The following PTPRG variants were observed in gnomAD, a reference collection of about 807,000 sequenced individuals.
PTPRG encodes the protein receptor-type tyrosine-protein phosphatase gamma.
A neutral mutation model predicts 165.3 loss-of-function variants in PTPRG; 102 were observed. The ratio of observed to expected loss-of-function variants is 0.62; its 90% CI spans 0.53 to 0.73. The LOEUF is 0.73. PTPRG is among the 30% of genes least tolerant of loss of function. PTPRG has a pLI of 0.00. For synonymous variants in PTPRG, 675 were observed against 669.5 expected, an observed-to-expected ratio of 1.01 and a Z score of -0.13; for missense variants, 1,866 against 1,861.4, an observed-to-expected ratio of 1.00 and a Z score of -0.05.
At chr3:61,842,516 T>C (rs1478424139) in intron 2 of PTPRG, among the ~76,000 whole-genome samples, 1 of 152,080 alleles carries the variant, frequency 6.6e-6, no homozygotes, top group African/African-American at 2.4e-5. Flanking sequence ...AGAAAAGATA[T>C]TGAAGGCCCA....
intron 1 of PTPRG, among the ~76,000 whole-genome samples, chr3:61,694,881 CCTCA>C (rs1262328327): frequency 6.6e-6 from 1 of 152,102 alleles, no homozygotes; most frequent in Admixed American, 6.5e-5. Flanking sequence ...TCACTCTCAC[CCTCA>C]CTCTCTCTCA....
intron 1 of PTPRG, among the ~76,000 whole-genome samples, chr3:61,645,168 A>G (rs1702165997): frequency 6.6e-6 from 1 of 152,238 alleles, no homozygotes; most frequent in Non-Finnish European, 1.5e-5. Flanking sequence ...GTTACCAAAT[A>G]TTGACAATGA....
intron 4 of PTPRG, among the ~76,000 whole-genome samples, chr3:62,004,465 C>G (rs567426716): frequency 2.5e-4 from 38 of 152,348 alleles, no homozygotes; most frequent in African/African-American, 8.7e-4. Context: ...CTGAAGTTCA[C>G]CAGACCATTG....
chr3:62,099,382 T>C (rs1441267238), intron 5 of PTPRG, among the ~76,000 whole-genome samples: 1 of 152,168 alleles, frequency 6.6e-6, no homozygotes, highest in Non-Finnish European at 1.5e-5. Flanking sequence ...TCTAAGAAAA[T>C]AGTTCAAATA....
chr3:61,601,542 AAAAC>A (rs1259747182), intron 1 of PTPRG, among the ~76,000 whole-genome samples: 1 of 152,234 alleles, frequency 6.6e-6, no homozygotes, highest in Non-Finnish European at 1.5e-5. Context: ...TTATTCAACA[AAAAC>A]AAAAACGATG....
chr3:61,862,553 C>T (rs553988971), intron 2 of PTPRG, among the ~76,000 whole-genome samples: 10 of 151,892 alleles, frequency 6.6e-5, no homozygotes, highest in South Asian at 2.1e-4. Context: ...ACGCCCAGCA[C>T]GCCCACTAAT....
At chr3:61,871,373 C>T (rs1418675628) in intron 2 of PTPRG, among the ~76,000 whole-genome samples, 1 of 151,984 alleles carries the variant, frequency 6.6e-6, no homozygotes, top group Non-Finnish European at 1.5e-5. Flanking sequence ...GACCAAGGCA[C>T]ATGTCACCAC....
intron 1 of PTPRG, among the ~76,000 whole-genome samples, chr3:61,726,897 A>C (rs992573284): frequency 2.9e-4 from 44 of 152,264 alleles, no homozygotes; most frequent in African/African-American, 1.1e-3. Flanking sequence ...AATACAAAAA[A>C]TTAGCCAGCC....
chr3:62,159,847 G>A (rs949342148), intron 7 of PTPRG, among the ~76,000 whole-genome samples: 1 of 152,174 alleles, frequency 6.6e-6, no homozygotes, highest in Non-Finnish European at 1.5e-5. Flanking sequence ...ATATTCATGT[G>A]GCCAAACTGG....
At chr3:61,951,243 C>T (rs1300456501) in intron 2 of PTPRG, among the ~76,000 whole-genome samples, 1 of 152,208 alleles carries the variant, frequency 6.6e-6, no homozygotes, top group Admixed American at 6.5e-5. Flanking sequence ...GCAATCACTT[C>T]TATTCCAGCC....
intron 4 of PTPRG, among the ~76,000 whole-genome samples, chr3:62,018,464 G>C (rs2041604610): frequency 6.6e-6 from 1 of 152,128 alleles, no homozygotes; most frequent in African/African-American, 2.4e-5. Flanking sequence ...AATAATAGAT[G>C]ATTTGTAGGC....
intron 5 of PTPRG, chr3:62,118,455 TA>T (rs1323681009): frequency 6.6e-6 from 1 of 152,200 alleles, no homozygotes; most frequent in East Asian, 1.9e-4. Flanking sequence ...ACCTTGTGTT[TA>T]ACCAGTTAAG....
chr3:62,203,379 TTTC>T lies in PTPRG; in HGVS notation c.1585_1587del (p.Phe529del). 2.5e-6 allele frequency: 4 copies of T among 1,613,212 alleles called. No homozygotes were observed. Among genetic ancestry groups the T allele is most frequent in the Non-Finnish European group, 3.4e-6 (4 of 1,179,672 alleles). ...GGTTCGGCGGTGGTGGCATCTCCTC[TTTC>T]CCCAGCACTGTGTGGCCCACGCGCC... On this transcript the variant is annotated inframe_deletion, in exon 12 of 30. Coordinates refer to ENST00000474889, the MANE Select transcript of PTPRG (RefSeq NM_002841.4). This position sits in a 1 kb window ranked among gnomAD's most constrained non-coding sequence, Gnocchi z 6.4.
chr3:61,848,388 G>A (rs1158748758), intron 2 of PTPRG, among the ~76,000 whole-genome samples: 1 of 152,192 alleles, frequency 6.6e-6, no homozygotes, highest in East Asian at 1.9e-4. Flanking sequence ...CCTCTGAGCA[G>A]CCCATTTTGG....
chr3:62,201,687 T>G, intron 11 of PTPRG, 133 bp downstream of exon 11: 1 of 647,674 alleles, frequency 1.5e-6, no homozygotes. Flanking sequence ...GAGAAAAAAT[T>G]ACATTATTCA....
chr3:61,812,626 G>C (rs189582795), intron 2 of PTPRG, among the ~76,000 whole-genome samples: 1 of 152,140 alleles, frequency 6.6e-6, no homozygotes, highest in South Asian at 2.1e-4. Flanking sequence ...ATAACTCCTC[G>C]TTAGCTGCTT....
At chr3:62,010,330 A>G (rs2041391644) in intron 4 of PTPRG, among the ~76,000 whole-genome samples, 1 of 151,592 alleles carries the variant, frequency 6.6e-6, no homozygotes, top group Non-Finnish European at 1.5e-5. Flanking sequence ...TGTTTAACAC[A>G]ATGTTTTCCC....
intron 2 of PTPRG, among the ~76,000 whole-genome samples, chr3:61,961,349 G>GT (rs1291430442): frequency 3.3e-5 from 5 of 152,182 alleles, no homozygotes; most frequent in South Asian, 2.1e-4. Flanking sequence ...TGTGTATGCA[G>GT]TTTTTTCTCA....
intron 1 of PTPRG, among the ~76,000 whole-genome samples, chr3:61,635,559 T>A (rs1475473895): frequency 1.3e-5 from 2 of 151,966 alleles, no homozygotes; most frequent in East Asian, 3.9e-4. Flanking sequence ...GGTTTCACCA[T>A]GTTACCTAGG....
Sources: gnomAD v4.1 joint callset for allele counts (sites outside exome capture counted in the v4.1 genomes callset) on GRCh38, gnomAD v4.1.1 for gene constraint, Gnocchi (gnomAD v3.1) non-coding constraint, MANE v1.5 for transcripts, NCBI Gene and HGNC (gene_info 2026-07-23, HGNC 2026-07-21) for gene names.